UNC5D: variants seen among roughly 807,000 people sequenced by gnomAD.
The protein encoded by UNC5D is netrin receptor UNC5D.
UNC5D carries 39 observed loss-of-function variants against 105.4 expected under a neutral mutation model. The ratio of observed to expected loss-of-function variants is 0.37; its 90% CI spans 0.29 to 0.48. The LOEUF is 0.48. UNC5D is among the 20% of genes least tolerant of loss of function. The pLI, the probability that UNC5D is intolerant of heterozygous loss-of-function variation, is 0.98. For missense variants in UNC5D, 991 were observed against 1,202.4 expected, an observed-to-expected ratio of 0.82 and a Z score of 2.60; for synonymous variants, 452 against 450.4, an observed-to-expected ratio of 1.00 and a Z score of -0.04.
At chr8:35,429,402 C>T (rs865888864) in intron 1 of UNC5D, among the ~76,000 whole-genome samples, 1 of 152,054 alleles carries the variant, frequency 6.6e-6, no homozygotes, top group East Asian at 1.9e-4. Flanking sequence ...CACTAACTCT[C>T]TGTTTTCTCT....
At chr8:35,485,073 T>C (rs1265819808) in intron 1 of UNC5D, among the ~76,000 whole-genome samples, 1 of 152,174 alleles carries the variant, frequency 6.6e-6, no homozygotes, top group East Asian at 1.9e-4. Context: ...CATAATACTT[T>C]ATATAATTTC....
chr8:35,555,501 T>G (rs1816477126), intron 2 of UNC5D, among the ~76,000 whole-genome samples: 1 of 152,188 alleles, frequency 6.6e-6, no homozygotes, highest in Non-Finnish European at 1.5e-5. Context: ...TCTCTTTAGT[T>G]CACACATTAA....
At chr8:35,342,221 C>G (rs952696156) in intron 1 of UNC5D, among the ~76,000 whole-genome samples, 1 of 152,000 alleles carries the variant, frequency 6.6e-6, no homozygotes, top group Non-Finnish European at 1.5e-5. Context: ...TTCCGTGACC[C>G]CAGAATCCCA....
intron 3 of UNC5D, among the ~76,000 whole-genome samples, chr8:35,593,062 C>T (rs529847417): frequency 6.6e-6 from 1 of 151,590 alleles, no homozygotes; most frequent in African/African-American, 2.4e-5. Flanking sequence ...CACACACACA[C>T]ACACACACAC....
At chr8:35,681,198 T>C (rs946478352) in intron 4 of UNC5D, among the ~76,000 whole-genome samples, 1 of 151,914 alleles carries the variant, frequency 6.6e-6, no homozygotes, top group South Asian at 2.1e-4. Flanking sequence ...CAGGGCAGGG[T>C]CTTAGTCCAT....
chr8:35,323,770 C>A (rs1221323101), intron 1 of UNC5D, among the ~76,000 whole-genome samples: 2 of 152,112 alleles, frequency 1.3e-5, no homozygotes, highest in Non-Finnish European at 2.9e-5. Flanking sequence ...AATCTGCACC[C>A]AGGCAGCATT....
chr8:35,241,558 A>G (rs1421606676), intron 1 of UNC5D, among the ~76,000 whole-genome samples: 1 of 152,214 alleles, frequency 6.6e-6, no homozygotes. Context: ...ACTATAGAGC[A>G]TAAAATATTT....
At chr8:35,544,617 T>C (rs1815515609) in intron 1 of UNC5D, 2 of 1,441,528 alleles carry the variant, frequency 1.4e-6, no homozygotes, top group African/African-American at 1.5e-5. Flanking sequence ...TTTTTTTTTT[T>C]TTTGAGACAG....
intron 4 of UNC5D, among the ~76,000 whole-genome samples, chr8:35,602,661 T>C (rs567356116): frequency 3.7e-4 from 57 of 152,372 alleles, no homozygotes; most frequent in Middle Eastern, 3.4e-3. Context: ...TTTGTCATTT[T>C]TTATTGCGTC....
At chr8:35,416,279 T>C (rs1382153425) in intron 1 of UNC5D, among the ~76,000 whole-genome samples, 1 of 152,020 alleles carries the variant, frequency 6.6e-6, no homozygotes. Context: ...GATTGCTAAC[T>C]AGAAAAGGAG....
intron 1 of UNC5D, among the ~76,000 whole-genome samples, chr8:35,494,607 C>A (rs1274520900): frequency 6.6e-6 from 1 of 152,312 alleles, no homozygotes; most frequent in East Asian, 1.9e-4. Flanking sequence ...CCCCATTCAA[C>A]TACTTGCTAT....
At chr8:35,789,774 C>T (rs1478681140) in intron 16 of UNC5D, among the ~76,000 whole-genome samples, 1 of 152,006 alleles carries the variant, frequency 6.6e-6, no homozygotes, top group East Asian at 1.9e-4. Flanking sequence ...AAGGTAAAAC[C>T]TTGAAAGCTC....
At position 35,326,229 on chromosome 8, in the gene UNC5D, C is replaced by A. The variant is rs149261724; in HGVS notation, c.103+90342C>A. On this transcript the variant is annotated intron_variant, in intron 1 of 16. Coordinates refer to ENST00000404895, the MANE Select transcript of UNC5D (RefSeq NM_080872.4). ...GCCAGGTGCAGCAGATGTTCAAGTT[C>A]CCTCCAACTCTGGAAGTGTTACCTG... 3.8e-3 allele frequency among the ~76,000 whole-genome samples: 575 copies of A among 152,304 alleles called. 8 individuals are homozygous for A. The highest frequency in any genetic ancestry group is 0.013 in the African/African-American group (541 of 41,566).
At position 35,457,803 on chromosome 8, in the gene UNC5D, C is replaced by T. The variant is rs567306976; in HGVS notation, c.104-91489C>T. On this transcript the variant is annotated intron_variant, in intron 1 of 16. Transcript: ENST00000404895. ...GCTCGAGGACACTAGATCTTACTTT[C>T]CCTCATGTTCCCAGTGGTTATCCCA... Among the ~76,000 whole-genome samples, 16 of 152,274 alleles carry T rather than the reference C, an allele frequency of 1.1e-4. 1 individual carries two copies. Among genetic ancestry groups the T allele is most frequent in the African/African-American group, 3.8e-4 (16 of 41,564 alleles).
chr8:35,256,546 C>A (rs1804085763), intron 1 of UNC5D: 1 of 150,920 alleles, frequency 6.6e-6, no homozygotes, highest in Non-Finnish European at 1.5e-5. Context: ...AGATGCTTAC[C>A]ATAAAAATGT....
intron 4 of UNC5D, among the ~76,000 whole-genome samples, chr8:35,675,706 G>C (rs1363784915): frequency 6.6e-6 from 1 of 151,960 alleles, no homozygotes; most frequent in African/African-American, 2.4e-5. Context: ...CTGGGGTCCT[G>C]CATATGAGGA....
At chr8:35,695,708 ATAT>A (rs1563677945) in intron 7 of UNC5D, among the ~76,000 whole-genome samples, 1 of 142,462 alleles carries the variant, frequency 7.0e-6, no homozygotes, top group Non-Finnish European at 1.5e-5. Context: ...AAGTATTTTT[ATAT>A]TATTTATTTA....
intron 1 of UNC5D, among the ~76,000 whole-genome samples, chr8:35,273,121 T>C (rs1805533491): frequency 6.6e-6 from 1 of 152,296 alleles, no homozygotes; most frequent in Middle Eastern, 3.4e-3. Flanking sequence ...TGCTTTTGTC[T>C]TAAAGACGGA....
At chr8:35,295,099 C>G (rs1807382960) in intron 1 of UNC5D, among the ~76,000 whole-genome samples, 1 of 152,130 alleles carries the variant, frequency 6.6e-6, no homozygotes, top group African/African-American at 2.4e-5. Flanking sequence ...AAAGTTATTA[C>G]AGTAATACAG....
Sources: allele counts gnomAD v4.1 joint callset (sites outside exome capture counted in the v4.1 genomes callset), GRCh38; gene constraint gnomAD v4.1.1; transcripts MANE v1.5; gene names NCBI Gene and HGNC (gene_info 2026-07-23, HGNC 2026-07-21).